SNX24: variants seen among roughly 807,000 people sequenced by gnomAD.
SNX24 encodes sorting nexin 24, also known as sorting nexin-24.
Under a neutral mutation model 28.7 loss-of-function variants are expected in SNX24, and 22 were observed. The ratio of observed to expected loss-of-function variants is 0.77; its 90% confidence interval spans 0.55 to 1.10. SNX24 has a LOEUF of 1.10. Among genes scored for constraint, SNX24 ranks in the 50% least tolerant of loss-of-function variants. SNX24 has a pLI of 0.00. For synonymous variants in SNX24, 69 were observed against 71.5 expected, an observed-to-expected ratio of 0.96 and a Z score of 0.18; for missense variants, 221 against 201.1, an observed-to-expected ratio of 1.10 and a Z score of -0.60.
At chr5:123,025,991 G>A (rs371088099) in intron 5 of SNX24, 4 of 1,561,680 alleles carry the variant, frequency 2.6e-6, no homozygotes, top group Non-Finnish European at 3.5e-6. Flanking sequence ...AAGGAAGAAA[G>A]TCAACAGATG....
At chr5:122,863,062 AATTC>A (rs1344579496) in intron 1 of SNX24, among the ~76,000 whole-genome samples, 1 of 152,216 alleles carries the variant, frequency 6.6e-6, no homozygotes, top group Non-Finnish European at 1.5e-5. Context: ...AAACAATCAA[AATTC>A]TCTACCTTCA....
intron 5 of SNX24, among the ~76,000 whole-genome samples, chr5:123,001,684 T>C (rs1192156746): frequency 6.6e-6 from 1 of 152,214 alleles, no homozygotes; most frequent in African/African-American, 2.4e-5. Context: ...ACAAGATTTT[T>C]AGGAAATCAC....
chr5:123,020,062 A>T (rs533242217), intron 5 of SNX24, among the ~76,000 whole-genome samples: 3 of 152,252 alleles, frequency 2.0e-5, no homozygotes, highest in Non-Finnish European at 4.4e-5. Context: ...GAAGTCAGGT[A>T]TGCTCACAGT....
At chr5:122,870,285 C>T (rs911734575) in intron 1 of SNX24, among the ~76,000 whole-genome samples, 2 of 152,194 alleles carry the variant, frequency 1.3e-5, no homozygotes, top group South Asian at 2.1e-4. Flanking sequence ...CTTTGCATCC[C>T]GAGGAGCTGT....
intron 3 of SNX24, among the ~76,000 whole-genome samples, chr5:122,951,168 G>T (rs1446981304): frequency 6.6e-6 from 1 of 150,848 alleles, no homozygotes; most frequent in Non-Finnish European, 1.5e-5. Flanking sequence ...TCAGGAGGCT[G>T]AGGCAGGAGA....
At chr5:123,002,480 A>C (rs1253924355) in intron 6 of SNX24, among the ~76,000 whole-genome samples, 1 of 152,148 alleles carries the variant, frequency 6.6e-6, no homozygotes, top group East Asian at 1.9e-4. Context: ...AAAATACAAA[A>C]AATTAGCCGG....
intron 1 of SNX24, among the ~76,000 whole-genome samples, chr5:122,865,991 C>G (rs1377103743): frequency 6.6e-6 from 1 of 152,104 alleles, no homozygotes; most frequent in East Asian, 1.9e-4. Flanking sequence ...AAAGTCAATA[C>G]ATCATATGCT....
intron 1 of SNX24, among the ~76,000 whole-genome samples, chr5:122,876,638 C>T (rs1407352822): frequency 6.6e-6 from 1 of 152,126 alleles, no homozygotes; most frequent in Admixed American, 6.5e-5. Flanking sequence ...GATTCTATAC[C>T]TCAAGGAGTT....
chr5:122,861,958 A>G (rs1755477828), intron 1 of SNX24, among the ~76,000 whole-genome samples: 1 of 152,174 alleles, frequency 6.6e-6, no homozygotes, highest in South Asian at 2.1e-4. Flanking sequence ...TAGAGCAAAA[A>G]TTCATTTTTG....
intron 2 of SNX24, among the ~76,000 whole-genome samples, chr5:122,943,769 A>G (rs931804836): frequency 6.6e-6 from 1 of 152,206 alleles, no homozygotes; most frequent in African/African-American, 2.4e-5. Context: ...TGACATAGTC[A>G]CAGGTCCCAC....
chr5:122,995,170 C>T (rs1361900437), intron 3 of SNX24, among the ~76,000 whole-genome samples: 1 of 152,344 alleles, frequency 6.6e-6, no homozygotes, highest in East Asian at 1.9e-4. Flanking sequence ...TACTATGTCA[C>T]TTTTACTACT....
At chr5:122,864,694 G>A (rs951568801) in intron 1 of SNX24, among the ~76,000 whole-genome samples, 1 of 152,206 alleles carries the variant, frequency 6.6e-6, no homozygotes, top group Non-Finnish European at 1.5e-5. Context: ...CCAGTTTATC[G>A]ATGTGGGTGG....
At chr5:123,014,918 G>C (rs1762654658) in intron 5 of SNX24, among the ~76,000 whole-genome samples, 2 of 152,180 alleles carry the variant, frequency 1.3e-5, no homozygotes, top group Non-Finnish European at 2.9e-5. Context: ...TTCTTCAAAG[G>C]CTGACTCATT....
chr5:122,853,788 T>C, intron 1 of SNX24: 1 of 277,472 alleles, frequency 3.6e-6, no homozygotes, highest in South Asian at 3.3e-5. Flanking sequence ...GTGCCTGCCT[T>C]AAGAACTTGA....
rs757970988 is a variant in SNX24 at position 123,023,887 on chromosome 5, G to C, written n.384-5351G>C. 9.3e-6 allele frequency: 15 copies of C among 1,612,052 alleles called. No homozygotes were observed. Among genetic ancestry groups the C allele is most frequent in the Non-Finnish European group, 1.3e-5 (15 of 1,179,112 alleles). On this transcript the variant is annotated intron_variant and non_coding_transcript_variant, in intron 5 of 5. Transcript: ENST00000502387. ...TCTGCCAGTTGTGTCACCAATCAGCGATCTCAACCACAAAAGGCGTTTTCA... is the reference window on the plus strand; with the variant it reads ...TCTGCCAGTTGTGTCACCAATCAGCCATCTCAACCACAAAAGGCGTTTTCA...
At chr5:122,880,633 T>C (rs1267422471) in intron 1 of SNX24, among the ~76,000 whole-genome samples, 2 of 152,208 alleles carry the variant, frequency 1.3e-5, no homozygotes, top group African/African-American at 4.8e-5. Flanking sequence ...ATTTTATTTA[T>C]CATATCAGAA....
At chr5:122,871,908 A>G (rs983401187) in intron 1 of SNX24, among the ~76,000 whole-genome samples, 1 of 152,066 alleles carries the variant, frequency 6.6e-6, no homozygotes, top group African/African-American at 2.4e-5. Context: ...GAACTTGTGC[A>G]AGTCATTTAA....
At chr5:122,856,333 A>G (rs2150036439) in intron 1 of SNX24, among the ~76,000 whole-genome samples, 1 of 152,210 alleles carries the variant, frequency 6.6e-6, no homozygotes, top group East Asian at 1.9e-4. Flanking sequence ...ACAGTATTCC[A>G]TGGCGTATAT....
In SNX24 at chr5:122,956,583, C is replaced by T. The variant is rs955175558; in HGVS notation, c.249+10424C>T. On this transcript the variant is annotated intron_variant, in intron 3 of 6. Coordinates refer to ENST00000261369, the MANE Select transcript of SNX24 (RefSeq NM_014035.4). ...AGTGGATTGCTTGATCATGTAATTCCATTCTTAATTTTTTGAGGAACCACC... is the reference window on the plus strand; with the variant it reads ...AGTGGATTGCTTGATCATGTAATTCTATTCTTAATTTTTTGAGGAACCACC... Among the ~76,000 whole-genome samples the T allele has an allele frequency of 5.3e-4, 80 of 152,058 alleles. 4 individuals are homozygous for T. The highest frequency in any genetic ancestry group is 1.5e-5 in the Non-Finnish European group (1 of 68,010).
Sources: allele counts gnomAD v4.1 joint callset (sites outside exome capture counted in the v4.1 genomes callset), GRCh38; gene constraint gnomAD v4.1.1; transcripts MANE v1.5; gene names NCBI Gene and HGNC (gene_info 2026-07-23, HGNC 2026-07-21).